Variants in DCAF8L2 observed in about 807,000 individuals in gnomAD.
DCAF8L2 encodes the protein DDB1 and CUL4 associated factor 8 like 2.
For missense variants in DCAF8L2, 430 were observed against 490.7 expected (o/e 0.88, Z 1.17); for synonymous variants, 200 against 190.9 (o/e 1.05, Z -0.39).
chrX:27,546,639 G>A, the DCAF8L2 span, among the ~76,000 whole-genome samples: 1 of 112,405 alleles, frequency 8.9e-6, no homozygotes, highest in African/African-American at 3.2e-5. Flanking sequence ...CTCGATTCTT[G>A]ACTTTTGTGC....
chrX:27,540,121 C>G, the DCAF8L2 span, among the ~76,000 whole-genome samples: 1 of 111,417 alleles, frequency 9.0e-6, no homozygotes, highest in African/African-American at 3.3e-5. Context: ...CCACAAACCT[C>G]TTGTCTGTTA....
the DCAF8L2 span, among the ~76,000 whole-genome samples, chrX:27,551,095 C>T: frequency 9.1e-6 from 1 of 109,343 alleles, no homozygotes; most frequent in African/African-American, 3.3e-5. Context: ...TCCACTGACC[C>T]CCTGGCTGTT....
At chrX:27,572,874 T>C in the DCAF8L2 span, among the ~76,000 whole-genome samples, 8 of 111,742 alleles carry the variant, frequency 7.2e-5, no homozygotes, top group Non-Finnish European at 1.3e-4. Flanking sequence ...TCTCAAAGCA[T>C]GATCTGAATA....
the DCAF8L2 span, among the ~76,000 whole-genome samples, chrX:27,561,026 G>T: frequency 8.9e-6 from 1 of 112,064 alleles, no homozygotes; most frequent in Non-Finnish European, 1.9e-5. Context: ...AAAATAATTG[G>T]GTGGGAATAG....
intron 2 of DCAF8L2, among the ~76,000 whole-genome samples, chrX:27,658,818 G>A (rs1929447199): frequency 8.9e-6 from 1 of 111,900 alleles, no homozygotes; most frequent in African/African-American, 3.3e-5. Flanking sequence ...AGTTTTATTT[G>A]GTTTTTACCT....
At chrX:27,576,302 C>A in the DCAF8L2 span, among the ~76,000 whole-genome samples, 1 of 112,141 alleles carries the variant, frequency 8.9e-6, no homozygotes, top group Non-Finnish European at 1.9e-5. Context: ...GTTAAAGACA[C>A]AGTTCAACTT....
chrX:27,680,356 C>T (rs1930279954), intron 3 of DCAF8L2, among the ~76,000 whole-genome samples: 1 of 112,028 alleles, frequency 8.9e-6, no homozygotes, highest in South Asian at 3.7e-4. Flanking sequence ...ATGTCAACCA[C>T]TGTTGGCAGT....
chrX:27,504,088 T>C, the DCAF8L2 span, among the ~76,000 whole-genome samples: 1 of 112,118 alleles, frequency 8.9e-6, no homozygotes, highest in African/African-American at 3.2e-5. Flanking sequence ...AATTACATTG[T>C]GTTGGGTGGA....
At chrX:27,620,308 C>T (rs1189829260) in intron 1 of DCAF8L2, among the ~76,000 whole-genome samples, 1 of 111,136 alleles carries the variant, frequency 9.0e-6, no homozygotes, top group Admixed American at 9.6e-5. Context: ...AAAAATATAG[C>T]CAGAGGATAC....
At chrX:27,566,413 C>T in the DCAF8L2 span, among the ~76,000 whole-genome samples, 9 of 110,758 alleles carry the variant, frequency 8.1e-5, no homozygotes, top group African/African-American at 2.6e-4. Context: ...ATTCAATCAC[C>T]TTATTTGTTA....
intron 3 of DCAF8L2, among the ~76,000 whole-genome samples, chrX:27,690,713 A>G (rs1487798968): frequency 9.0e-6 from 1 of 110,917 alleles, no homozygotes. Context: ...CTCTTTTCTC[A>G]TTGTTTCTAC....
At chrX:27,603,544 GA>G (rs1926744339) in intron 1 of DCAF8L2, among the ~76,000 whole-genome samples, 1 of 111,775 alleles carries the variant, frequency 8.9e-6, no homozygotes, top group Non-Finnish European at 1.9e-5. Flanking sequence ...CAAGCAAAGG[GA>G]CTACGGTTGT....
chrX:27,498,375 C>G, the DCAF8L2 span, among the ~76,000 whole-genome samples: 1 of 112,182 alleles, frequency 8.9e-6, no homozygotes, highest in African/African-American at 3.2e-5. Flanking sequence ...AATGGCTATG[C>G]TAGGAGGTAT....
At chrX:27,636,162 T>C (rs1217488045) in intron 2 of DCAF8L2, among the ~76,000 whole-genome samples, 1 of 111,422 alleles carries the variant, frequency 9.0e-6, no homozygotes, top group Non-Finnish European at 1.9e-5. Flanking sequence ...GTTTGACATA[T>C]TTTATTTTCT....
the DCAF8L2 span, among the ~76,000 whole-genome samples, chrX:27,541,025 T>C: frequency 2.1e-4 from 24 of 112,015 alleles, no homozygotes; most frequent in African/African-American, 7.1e-4. Context: ...CCCAAAATAT[T>C]GTAGGGGCCA....
chrX:27,569,797 A>G, the DCAF8L2 span, among the ~76,000 whole-genome samples: 2 of 111,826 alleles, frequency 1.8e-5, no homozygotes, highest in African/African-American at 6.5e-5. Context: ...AACTCTGTTA[A>G]TACGCTAGCT....
chrX:27,671,171 C>A (rs1929940600), intron 2 of DCAF8L2, among the ~76,000 whole-genome samples: 1 of 111,483 alleles, frequency 9.0e-6, no homozygotes, highest in Admixed American at 9.6e-5. Context: ...AATCTGTAAT[C>A]CAGGTGGTCA....
At chrX:27,477,575 C>G in the DCAF8L2 span, among the ~76,000 whole-genome samples, 1 of 111,918 alleles carries the variant, frequency 8.9e-6, no homozygotes, top group Non-Finnish European at 1.9e-5. Flanking sequence ...GCGTGAGCCA[C>G]TGCGCCCGGC....
chrX:27,673,333 C>T (rs1930018242), intron 2 of DCAF8L2, among the ~76,000 whole-genome samples: 2 of 107,677 alleles, frequency 1.9e-5, no homozygotes, highest in South Asian at 8.3e-4. Context: ...CACGGCGAAA[C>T]CCCATCTCTA....
Sources: gnomAD v4.1 joint callset for allele counts (sites outside exome capture counted in the v4.1 genomes callset) on GRCh38, gnomAD v4.1.1 for gene constraint, MANE v1.5 for transcripts, NCBI Gene and HGNC (gene_info 2026-07-23, HGNC 2026-07-21) for gene names.